SVIL: variants seen among roughly 807,000 people sequenced by gnomAD.
SVIL encodes the protein archvillin.
SVIL carries 101 observed loss-of-function variants against 240.4 expected under a neutral mutation model. That is an observed-to-expected ratio of 0.42 (90% CI 0.36 to 0.50). The LOEUF (loss-of-function observed/expected upper bound fraction) is 0.50, where lower values mean the gene tolerates loss of function less well. Ranked by LOEUF, SVIL falls within the 20% of genes least tolerant of loss-of-function variation. The probability of loss-of-function intolerance (pLI) is 0.01; values close to 1 mark genes in which losing one functional copy is unlikely to be tolerated. For synonymous variants in SVIL, 999 were observed against 1,100.0 expected (o/e 0.91, Z 1.82); for missense variants, 2,512 against 2,818.7 (o/e 0.89, Z 2.46).
intron 3 of SVIL, among the ~76,000 whole-genome samples, chr10:29,555,577 T>C (rs374582811): frequency 6.6e-6 from 1 of 152,178 alleles, no homozygotes; most frequent in Non-Finnish European, 1.5e-5. Flanking sequence ...ATATGTCACA[T>C]ATATAGGTTG....
chr10:29,658,427 T>C (rs1248644061), intron 2 of SVIL, among the ~76,000 whole-genome samples: 1 of 152,230 alleles, frequency 6.6e-6, no homozygotes, highest in Non-Finnish European at 1.5e-5. Flanking sequence ...TTGGTAAATA[T>C]GAGTACTTTC....
chr10:29,631,669 G>A (rs1958100566), intron 1 of SVIL, among the ~76,000 whole-genome samples: 1 of 152,234 alleles, frequency 6.6e-6, no homozygotes, highest in Non-Finnish European at 1.5e-5. Context: ...CAGCTACTCA[G>A]GAGGCTGTGG....
chr10:29,603,243 C>T (rs988780365), intron 1 of SVIL, among the ~76,000 whole-genome samples: 5 of 151,930 alleles, frequency 3.3e-5, no homozygotes, highest in African/African-American at 1.2e-4. Flanking sequence ...CCCCCTCATC[C>T]TCGTATCACA....
At position 29,567,948 on chromosome 10, in the gene SVIL, C is replaced by T. The variant is rs549590443; in HGVS notation, c.-143+1307G>A. On this transcript the variant is annotated intron_variant, in intron 2 of 37. Transcript: ENST00000355867. ...AGGAGAATGGCGTGAACCCAGGAGG[C>T]GGAGCTTGCAGTGAGCTGAGATCGC... 6.0e-5 allele frequency among the ~76,000 whole-genome samples: 9 copies of T among 149,770 alleles called. No individual in the cohort carries two copies. In the South Asian group the frequency reaches 1.1e-3, roughly 18 times the overall value.
intron 5 of SVIL, among the ~76,000 whole-genome samples, chr10:29,553,480 C>A (rs1953585258): frequency 6.6e-6 from 1 of 152,230 alleles, no homozygotes; most frequent in Admixed American, 6.5e-5. Flanking sequence ...ACTCCAGAGG[C>A]TGAGGCAGGA....
chr10:29,608,495 G>T (rs1957109472), intron 1 of SVIL, among the ~76,000 whole-genome samples: 1 of 152,246 alleles, frequency 6.6e-6, no homozygotes, highest in Non-Finnish European at 1.5e-5. Context: ...AGTTGCAGCT[G>T]CCCAGCCGTG....
chr10:29,585,770 T>C (rs114337036), intron 1 of SVIL, among the ~76,000 whole-genome samples: 2,364 of 152,340 alleles, frequency 0.016, 44 homozygotes, highest in African/African-American at 0.049. Flanking sequence ...AGGGGAGAAC[T>C]GAAGCCGGGG....
chr10:29,530,586 A>C, intron 11 of SVIL, 21 bp downstream of exon 11: 1 of 1,613,870 alleles, frequency 6.2e-7, no homozygotes, highest in Non-Finnish European at 8.5e-7. Context: ...ATCTCTATTC[A>C]AGCACGTCAG....
At chr10:29,600,750 G>A (rs1169332109) in intron 1 of SVIL, among the ~76,000 whole-genome samples, 2 of 152,168 alleles carry the variant, frequency 1.3e-5, no homozygotes, top group Non-Finnish European at 2.9e-5. Context: ...GAATTGTGAT[G>A]AGAACAACAT....
At position 29,458,301 on chromosome 10, in the gene SVIL, G is replaced by A. The variant is rs531901887; in HGVS notation, c.6591C>T (p.Asn2197=). ...FALDMTRDEY[N]ALPAWKQVNL... is the part of the protein sequence containing the mutation. The stretch of plus-strand genomic sequence containing the variant: ...TCACCTGCTTCCAGGCGGGCAGGGC[G>A]TTGTATTCATCCCTCGTCATGTCTA... Residue 2197 remains asparagine, a synonymous_variant, in exon 38 of 38, where the codon AAC becomes AAT. Coordinates refer to ENST00000355867, the MANE Select transcript of SVIL (RefSeq NM_021738.3). 1.5e-5 allele frequency: 25 copies of A among 1,614,224 alleles called. No homozygotes were observed. The highest frequency in any genetic ancestry group is 7.7e-5 in the South Asian group (7 of 91,082).
chr10:29,493,633 G>A (rs1948168656), intron 20 of SVIL, among the ~76,000 whole-genome samples: 1 of 152,024 alleles, frequency 6.6e-6, no homozygotes, highest in Non-Finnish European at 1.5e-5. Context: ...CTGCACACAC[G>A]CGCCCACTGA....
rs1431424286 is a variant in SVIL, at chr10:29,532,741, C to A, written c.1626G>T (p.Lys542Asn). ...AATCTGACAGAGAGCGGGTACGGACCTTGCGCTTTTTCGAGGCTTCCCTGT... is the reference window on the plus strand; with the variant it reads ...AATCTGACAGAGAGCGGGTACGGACATTGCGCTTTTTCGAGGCTTCCCTGT... ...GHNREASKKR[K>N]VRTRSLSDFT... Residue 542 changes from lysine to asparagine, a missense_variant, in exon 8 of 38, where the codon AAG becomes AAT. Physicochemically the swap from Lys to Asn is moderately conservative, Grantham distance 94. Transcript: ENST00000355867. 6.2e-7 allele frequency: 1 copy of A among 1,614,022 alleles called. No homozygotes were observed. The highest frequency in any genetic ancestry group is 8.5e-7 in the Non-Finnish European group (1 of 1,180,034).
chr10:29,567,431 T>C (rs1476442137), intron 2 of SVIL, among the ~76,000 whole-genome samples: 1 of 152,236 alleles, frequency 6.6e-6, no homozygotes, highest in Non-Finnish European at 1.5e-5. Context: ...TCGTCTCTTT[T>C]AGCTGGTGTC....
chr10:29,636,209 C>A (rs967062655), upstream of SVIL, among the ~76,000 whole-genome samples: 3 of 151,904 alleles, frequency 2.0e-5, no homozygotes, highest in Non-Finnish European at 1.5e-5. Flanking sequence ...TTCCCTTGGA[C>A]CATATTGGCT....
chr10:29,522,289 A>C, intron 16 of SVIL, 121 bp downstream of exon 16: 1 of 954,082 alleles, frequency 1.0e-6, no homozygotes, highest in Non-Finnish European at 1.6e-6. Flanking sequence ...ACAACAGCAC[A>C]GTCCTGTTAG....
At chr10:29,647,740 T>C (rs1449438444) in intron 3 of SVIL, among the ~76,000 whole-genome samples, 1 of 152,060 alleles carries the variant, frequency 6.6e-6, no homozygotes, top group Non-Finnish European at 1.5e-5. Context: ...TGTTCTGTGG[T>C]AAATTTTATT....
chr10:29,580,794 G>A (rs1407788024), intron 1 of SVIL, among the ~76,000 whole-genome samples: 1 of 152,096 alleles, frequency 6.6e-6, no homozygotes, highest in Non-Finnish European at 1.5e-5. Context: ...AGCCTCACGA[G>A]TAGCTGGGAC....
chr10:29,505,594 C>T (rs1012305721), intron 17 of SVIL, among the ~76,000 whole-genome samples: 21 of 152,062 alleles, frequency 1.4e-4, no homozygotes, highest in African/African-American at 3.6e-4. Flanking sequence ...GATAGTGTAA[C>T]GGTGGACATA....
chr10:29,702,093 T>G (rs1270567335), intron 1 of SVIL, among the ~76,000 whole-genome samples: 1 of 142,900 alleles, frequency 7.0e-6, no homozygotes, highest in Non-Finnish European at 1.5e-5. Flanking sequence ...GAGAATCACT[T>G]GAACCCGGGA....
Sources: allele counts gnomAD v4.1 joint callset (sites outside exome capture counted in the v4.1 genomes callset), GRCh38; gene constraint gnomAD v4.1.1; transcripts MANE v1.5; gene names NCBI Gene and HGNC (gene_info 2026-07-23, HGNC 2026-07-21).